Variants in NBEA observed in about 807,000 individuals in gnomAD.
NBEA encodes the protein neurobeachin.
In NBEA, 44 loss-of-function variants were observed where a neutral mutation model predicts 343.4. The ratio of observed to expected loss-of-function variants is 0.13; its 90% CI spans 0.10 to 0.16. The LOEUF is 0.16. Among genes scored for constraint, NBEA ranks in the 10% least tolerant of loss-of-function variants. The probability of loss-of-function intolerance (pLI) is 1.00; values close to 1 mark genes in which losing one functional copy is unlikely to be tolerated. For synonymous variants in NBEA, 1,175 were observed against 1,238.7 expected, an observed-to-expected ratio of 0.95 and a Z score of 1.08; for missense variants, 2,555 against 3,631.3, an observed-to-expected ratio of 0.70 and a Z score of 7.62.
chr13:35,010,835 G>A (rs2061474230), intron 1 of NBEA, among the ~76,000 whole-genome samples: 1 of 148,236 alleles, frequency 6.7e-6, no homozygotes, highest in Admixed American at 6.8e-5. Context: ...GGCTGAGTTA[G>A]GAAGATGACT....
At chr13:35,210,824 T>C (rs1347061654) in intron 32 of NBEA, among the ~76,000 whole-genome samples, 1 of 152,166 alleles carries the variant, frequency 6.6e-6, no homozygotes, top group Non-Finnish European at 1.5e-5. Context: ...CCATTTGTAG[T>C]ATGTAGTTTT....
intron 10 of NBEA, 164 bp downstream of exon 10, chr13:35,071,016 T>G (rs916744729): frequency 8.3e-6 from 5 of 603,560 alleles, no homozygotes; most frequent in East Asian, 3.5e-5. Context: ...ATACAATAAA[T>G]AAAGAAAACG....
intron 41 of NBEA, among the ~76,000 whole-genome samples, chr13:35,545,040 T>G (rs1240180850): frequency 1.3e-5 from 2 of 151,940 alleles, no homozygotes; most frequent in Non-Finnish European, 2.9e-5. Context: ...GACAGAAAAA[T>G]ATCTTGGACT....
intron 39 of NBEA, among the ~76,000 whole-genome samples, chr13:35,449,259 T>C (rs987566076): frequency 2.0e-5 from 3 of 152,222 alleles, no homozygotes; most frequent in African/African-American, 7.2e-5. Context: ...ATGTCCTCAA[T>C]TTATTTGTGT....
intron 53 of NBEA, among the ~76,000 whole-genome samples, chr13:35,653,328 C>CTTTTTTTTTTTTTTTTTTTTGTT (rs2084652321): frequency 8.8e-6 from 1 of 114,034 alleles, no homozygotes; most frequent in Non-Finnish European, 1.8e-5. Flanking sequence ...TTCTTGGGTT[C>CTTTTTTTTTTTTTTTTTTTTGTT]TTTTTTTTTT....
At chr13:35,653,523 G>A (rs1219381528) in intron 53 of NBEA, among the ~76,000 whole-genome samples, 1 of 151,922 alleles carries the variant, frequency 6.6e-6, no homozygotes, top group Non-Finnish European at 1.5e-5. Context: ...TAGAGACAGG[G>A]TTTCACCGTG....
intron 10 of NBEA, among the ~76,000 whole-genome samples, chr13:35,088,052 G>A (rs2064866246): frequency 6.6e-6 from 1 of 151,764 alleles, no homozygotes; most frequent in Non-Finnish European, 1.5e-5. Context: ...TTGGTATTTT[G>A]GATAGGTACT....
intron 41 of NBEA, chr13:35,475,734 C>CA: frequency 6.2e-7 from 1 of 1,613,944 alleles, no homozygotes; most frequent in Non-Finnish European, 8.5e-7. Context: ...CTTGAGCCAC[C>CA]AGCGTCTGAA....
chr13:35,076,384 A>G (rs376595422), intron 10 of NBEA, among the ~76,000 whole-genome samples: 2 of 152,228 alleles, frequency 1.3e-5, no homozygotes, highest in East Asian at 3.9e-4. Flanking sequence ...AAAATGAAAT[A>G]TATATTGAAT....
intron 19 of NBEA, 109 bp from the exon 20 acceptor site, chr13:35,155,974 T>G (rs1390664070): frequency 6.8e-7 from 1 of 1,476,948 alleles, no homozygotes; most frequent in Non-Finnish European, 9.3e-7. Context: ...CATGACAGTT[T>G]TAACTCACCT....
chr13:35,375,215 C>T (rs557689403), intron 38 of NBEA, among the ~76,000 whole-genome samples: 1 of 152,204 alleles, frequency 6.6e-6, no homozygotes, highest in East Asian at 1.9e-4. Flanking sequence ...TGTTTATTTG[C>T]TCAATTAAAA....
At chr13:35,232,015 T>C in intron 33 of NBEA, among the ~76,000 whole-genome samples, 1 of 152,130 alleles carries the variant, frequency 6.6e-6, no homozygotes, top group East Asian at 1.9e-4. Flanking sequence ...AAATGGAAAA[T>C]GCCTACTTTG....
At chr13:34,957,052 CACAT>C (rs1444547827) in intron 1 of NBEA, among the ~76,000 whole-genome samples, 1 of 151,202 alleles carries the variant, frequency 6.6e-6, no homozygotes, top group African/African-American at 2.4e-5. Context: ...TATACACACA[CACAT>C]ATATACATAC....
At chr13:35,297,643 G>C (rs1362132824) in intron 35 of NBEA, among the ~76,000 whole-genome samples, 1 of 151,820 alleles carries the variant, frequency 6.6e-6, no homozygotes, top group African/African-American at 2.4e-5. Context: ...TTTCAATTAT[G>C]CTACAAATTT....
intron 40 of NBEA, among the ~76,000 whole-genome samples, chr13:35,454,414 G>A (rs7320399): frequency 2.0e-5 from 3 of 152,238 alleles, no homozygotes; most frequent in African/African-American, 7.2e-5. Flanking sequence ...TTTGCCCTAA[G>A]CAATTATTGT....
intron 41 of NBEA, among the ~76,000 whole-genome samples, chr13:35,480,357 A>T (rs943800310): frequency 4.6e-5 from 7 of 152,092 alleles, no homozygotes; most frequent in African/African-American, 1.7e-4. Flanking sequence ...TGTTTTCGAA[A>T]AAAACCTGAT....
chr13:35,223,357 T>C (rs533478022), intron 33 of NBEA, among the ~76,000 whole-genome samples: 1 of 152,294 alleles, frequency 6.6e-6, no homozygotes, highest in East Asian at 1.9e-4. Context: ...TTTTGTTGTC[T>C]AAAAGGTCTT....
At chr13:34,954,015 A>C (rs1336228820) in intron 1 of NBEA, among the ~76,000 whole-genome samples, 1 of 151,730 alleles carries the variant, frequency 6.6e-6, no homozygotes, top group Admixed American at 6.6e-5. Context: ...TTCCCCCTGA[A>C]CCCCCCTATT....
intron 45 of NBEA, among the ~76,000 whole-genome samples, chr13:35,575,947 A>G (rs945536159): frequency 3.3e-5 from 5 of 152,140 alleles, no homozygotes; most frequent in African/African-American, 1.2e-4. Flanking sequence ...AGAACATAAC[A>G]ATAACAGCCA....
Sources: gnomAD v4.1 joint callset for allele counts (sites outside exome capture counted in the v4.1 genomes callset) on GRCh38, gnomAD v4.1.1 for gene constraint, MANE v1.5 for transcripts, NCBI Gene and HGNC (gene_info 2026-07-23, HGNC 2026-07-21) for gene names.